Variants in DMD observed in about 807,000 individuals in gnomAD.
DMD encodes the protein mutant dystrophin.
Under a neutral mutation model 330.1 loss-of-function variants are expected in DMD, and 63 were observed. The ratio of observed to expected loss-of-function variants is 0.19; its 90% CI spans 0.16 to 0.24. DMD has a LOEUF of 0.24. DMD is among the 10% of genes least tolerant of loss of function. The pLI is 1.00. For synonymous variants in DMD, 1,223 were observed against 959.8 expected (o/e 1.27, Z -5.07); for missense variants, 3,344 against 2,684.1 (o/e 1.25, Z -5.43).
At chrX:31,282,755 A>G (rs921345841) in intron 62 of DMD, among the ~76,000 whole-genome samples, 2 of 111,321 alleles carry the variant, frequency 1.8e-5, no homozygotes, top group Non-Finnish European at 3.8e-5. Context: ...AGGGAAAAAC[A>G]AAGATCATGC....
At chrX:31,463,445 G>A (rs750194187) in intron 59 of DMD, among the ~76,000 whole-genome samples, 2 of 111,903 alleles carry the variant, frequency 1.8e-5, no homozygotes, top group Non-Finnish European at 1.9e-5. Context: ...TTCAGGTTGT[G>A]TAAGGCATAA....
chrX:32,600,598 G>GCGCACACA (rs762270647), intron 12 of DMD, among the ~76,000 whole-genome samples: 148 of 95,289 alleles, frequency 1.6e-3, no homozygotes, highest in African/African-American at 5.5e-3. Context: ...ACACGCACAC[G>GCGCACACA]CACACACACA....
chrX:32,635,569 G>T (rs1479657452), intron 11 of DMD, among the ~76,000 whole-genome samples: 1 of 111,793 alleles, frequency 8.9e-6, no homozygotes, highest in Non-Finnish European at 1.9e-5. Context: ...TCCAAGAAAT[G>T]GCAAACATGT....
intron 44 of DMD, among the ~76,000 whole-genome samples, chrX:31,983,091 A>G (rs2095487492): frequency 9.1e-6 from 1 of 110,174 alleles, no homozygotes; most frequent in Admixed American, 9.8e-5. Context: ...GATATCTTAT[A>G]AACATGCTGC....
rs182055820 is a variant in DMD, at chrX:33,149,440, G to A, written c.31+61842C>T. Among the ~76,000 whole-genome samples, 167 of 112,228 alleles carry A rather than the reference G, an allele frequency of 1.5e-3. 1 individual carries two copies. The highest frequency in any genetic ancestry group is 5.1e-3 in the African/African-American group (158 of 30,936). On this transcript the variant is annotated intron_variant, in intron 1 of 78. Transcript: ENST00000357033. ...ACAGATGAAGCTTCACTGGCTCACC[G>A]CTCGCCTCCTGCTGTGCAGCTGGGT...
At chrX:32,372,198 T>C (rs780549773) in intron 34 of DMD, among the ~76,000 whole-genome samples, 10 of 111,897 alleles carry the variant, frequency 8.9e-5, no homozygotes, top group Non-Finnish European at 1.9e-4. Flanking sequence ...TCTCAAGAAC[T>C]GCTTTGTCAT....
At chrX:32,347,468 C>T (rs2097767895) in intron 38 of DMD, among the ~76,000 whole-genome samples, 1 of 111,391 alleles carries the variant, frequency 9.0e-6, no homozygotes, top group Non-Finnish European at 1.9e-5. Flanking sequence ...AAAGCCTCTT[C>T]CGTCTTTCCA....
At chrX:32,075,362 A>C (rs905846216) in intron 44 of DMD, among the ~76,000 whole-genome samples, 1 of 112,164 alleles carries the variant, frequency 8.9e-6, no homozygotes, top group African/African-American at 3.2e-5. Flanking sequence ...AATGCAATAG[A>C]AACAGTCACA....
At chrX:31,232,985 A>G (rs749778153) in intron 63 of DMD, among the ~76,000 whole-genome samples, 1 of 112,287 alleles carries the variant, frequency 8.9e-6, no homozygotes, top group South Asian at 3.7e-4. Flanking sequence ...CTCCAGAAGG[A>G]ACTTCAACTT....
chrX:33,010,844 T>A (rs1036732268), intron 2 of DMD, among the ~76,000 whole-genome samples: 1 of 111,058 alleles, frequency 9.0e-6, no homozygotes, highest in East Asian at 2.9e-4. Context: ...AACACTGTGG[T>A]TCTCAAAGTG....
At chrX:32,653,990 C>T (rs893657765) in intron 9 of DMD, among the ~76,000 whole-genome samples, 4 of 111,958 alleles carry the variant, frequency 3.6e-5, no homozygotes, top group African/African-American at 9.7e-5. Context: ...GTGATTTTTG[C>T]ACATTGATTT....
intron 44 of DMD, among the ~76,000 whole-genome samples, chrX:32,028,976 A>G (rs2095865467): frequency 8.9e-6 from 1 of 111,784 alleles, no homozygotes; most frequent in Admixed American, 9.5e-5. Flanking sequence ...AATCATCAAA[A>G]GTCTATAATA....
At chrX:31,419,753 T>C (rs2063263527) in intron 60 of DMD, among the ~76,000 whole-genome samples, 1 of 111,512 alleles carries the variant, frequency 9.0e-6, no homozygotes. Context: ...AGCAAGGAGA[T>C]CCCTGGGTCC....
At position 31,867,378 on chromosome X, in the gene DMD, G is replaced by A. The variant is rs908854371; in HGVS notation, c.7098+7810C>T. Among the ~76,000 whole-genome samples the A allele has an allele frequency of 6.3e-5, 7 of 110,331 alleles. No individual in the cohort carries two copies. In the East Asian group the frequency reaches 1.7e-3, roughly 27 times the overall value. ...CATGTGGCCTTCTACATTTATTTTT[G>A]AAATCTTTTATTGTCATCTTGGTTA... On this transcript the variant is annotated intron_variant, in intron 48 of 78. Coordinates refer to ENST00000357033, the MANE Select transcript of DMD (RefSeq NM_004006.3).
At chrX:32,043,454 T>C (rs917583231) in intron 44 of DMD, among the ~76,000 whole-genome samples, 1 of 112,281 alleles carries the variant, frequency 8.9e-6, no homozygotes, top group African/African-American at 3.2e-5. Flanking sequence ...AAAAGGCACC[T>C]AGGAAGTGAA....
At chrX:32,968,287 A>T (rs777565049) in intron 2 of DMD, among the ~76,000 whole-genome samples, 8 of 110,674 alleles carry the variant, frequency 7.2e-5, no homozygotes, top group Non-Finnish European at 1.5e-4. Flanking sequence ...AACACCACTG[A>T]AAGTTTTCAG....
At chrX:33,006,441 TAC>T (rs2093397812) in intron 2 of DMD, among the ~76,000 whole-genome samples, 1 of 111,897 alleles carries the variant, frequency 8.9e-6, no homozygotes, top group Non-Finnish European at 1.9e-5. Flanking sequence ...CCCACATGAA[TAC>T]AGTTTACTGA....
At chrX:32,964,344 A>G (rs2092040873) in intron 2 of DMD, among the ~76,000 whole-genome samples, 1 of 110,283 alleles carries the variant, frequency 9.1e-6, no homozygotes. Context: ...TTTTGGGGGA[A>G]AAACTGAAGC....
chrX:32,224,696 G>A (rs751926015), intron 43 of DMD, among the ~76,000 whole-genome samples: 1 of 111,491 alleles, frequency 9.0e-6, no homozygotes, highest in South Asian at 3.7e-4. Flanking sequence ...TTACAACTCT[G>A]GATTGACATT....
Sources: gnomAD v4.1 joint callset for allele counts (sites outside exome capture counted in the v4.1 genomes callset) on GRCh38, gnomAD v4.1.1 for gene constraint, MANE v1.5 for transcripts, NCBI Gene and HGNC (gene_info 2026-07-23, HGNC 2026-07-21) for gene names.